The following FAM107B variants were observed in gnomAD, a reference collection of about 807,000 sequenced individuals.
FAM107B encodes protein FAM107B.
In FAM107B, 21 loss-of-function variants were observed where a neutral mutation model predicts 31.5. The observed-to-expected ratio is 0.67, with a 90% CI of 0.47 to 0.96. The LOEUF (loss-of-function observed/expected upper bound fraction) is 0.96, where lower values mean the gene tolerates loss of function less well. Among genes scored for constraint, FAM107B ranks in the 40% least tolerant of loss-of-function variants. The probability of loss-of-function intolerance (pLI) is 0.00; values close to 1 mark genes in which losing one functional copy is unlikely to be tolerated. For synonymous variants in FAM107B, 157 were observed against 141.5 expected, an observed-to-expected ratio of 1.11 and a Z score of -0.78; for missense variants, 452 against 377.1, an observed-to-expected ratio of 1.20 and a Z score of -1.64.
At chr10:14,671,881 AAAAC>A (rs1436232135) in intron 1 of FAM107B, among the ~76,000 whole-genome samples, 1,993 of 108,828 alleles carry the variant, frequency 0.018, 62 homozygotes, top group African/African-American at 0.058. Flanking sequence ...TTAAAAAAAA[AAAAC>A]AAAAAAACAA....
Position 14,620,983 on chromosome 10 carries a change from C to T in FAM107B, c.469+46651G>A, listed in dbSNP as rs187351443. ...TATACATTTTTAGAATTTCAATTTC[C>T]AATTATTTATTGCTTGTATTTAAAA... On this transcript the variant is annotated intron_variant, in intron 2 of 4. Transcript: ENST00000181796. Among the ~76,000 whole-genome samples the T allele has an allele frequency of 2.0e-5, 3 of 152,082 alleles. No individual in the cohort carries two copies. In the East Asian group the frequency reaches 5.8e-4, roughly 29 times the overall value.
intron 1 of FAM107B, 79 bp from the exon 2 acceptor site, chr10:14,667,770 G>A (rs969447634): frequency 2.2e-4 from 326 of 1,452,490 alleles, no homozygotes; most frequent in Middle Eastern, 3.5e-4. Context: ...CTTTTTGCAA[G>A]CCTACTAATT....
intron 2 of FAM107B, among the ~76,000 whole-genome samples, chr10:14,567,929 C>G (rs1030763911): frequency 6.6e-6 from 1 of 152,142 alleles, no homozygotes; most frequent in Admixed American, 6.5e-5. Context: ...CTGAACATCC[C>G]CATCCCAAAA....
chr10:14,542,783 A>T (rs1426473360), intron 2 of FAM107B: 1 of 152,204 alleles, frequency 6.6e-6, no homozygotes, highest in Non-Finnish European at 1.5e-5. Context: ...AAGATGGCTC[A>T]AAAAAATCCT....
chr10:14,545,713 G>T (rs563221124), intron 2 of FAM107B, among the ~76,000 whole-genome samples: 1 of 152,328 alleles, frequency 6.6e-6, no homozygotes, highest in Non-Finnish European at 1.5e-5. Context: ...AAATTTGCAT[G>T]TAACAGAATC....
intron 1 of FAM107B, among the ~76,000 whole-genome samples, chr10:14,722,114 T>C (rs1295499653): frequency 6.6e-6 from 1 of 152,234 alleles, no homozygotes; most frequent in Non-Finnish European, 1.5e-5. Context: ...AGTCACAAAA[T>C]TGTGCAAACA....
intron 1 of FAM107B, among the ~76,000 whole-genome samples, chr10:14,729,294 T>A (rs534332597): frequency 6.6e-6 from 1 of 152,178 alleles, no homozygotes; most frequent in South Asian, 2.1e-4. Context: ...CTACCGCACC[T>A]GATCAAGTTA....
At chr10:14,703,120 G>A (rs1855439577) in intron 1 of FAM107B, among the ~76,000 whole-genome samples, 1 of 151,908 alleles carries the variant, frequency 6.6e-6, no homozygotes, top group South Asian at 2.1e-4. Context: ...CTGAGGTAAG[G>A]CCACAAAGGT....
chr10:14,729,586 T>C (rs1856116703), intron 1 of FAM107B, among the ~76,000 whole-genome samples: 1 of 152,170 alleles, frequency 6.6e-6, no homozygotes, highest in Non-Finnish European at 1.5e-5. Context: ...GAAGCTTCAC[T>C]GTAGACCCGT....
At chr10:14,603,656 T>A (rs1852478285) in intron 2 of FAM107B, among the ~76,000 whole-genome samples, 1 of 152,188 alleles carries the variant, frequency 6.6e-6, no homozygotes. Context: ...GGACTCCTTG[T>A]GTGTGTTACA....
At chr10:14,703,921 G>A (rs546340963) in intron 1 of FAM107B, among the ~76,000 whole-genome samples, 10 of 152,296 alleles carry the variant, frequency 6.6e-5, no homozygotes, top group South Asian at 6.2e-4. Flanking sequence ...AGAACCAGGC[G>A]TGATGATTTA....
At chr10:14,646,577 T>G (rs1447517093) in intron 2 of FAM107B, among the ~76,000 whole-genome samples, 1 of 152,184 alleles carries the variant, frequency 6.6e-6, no homozygotes, top group Non-Finnish European at 1.5e-5. Flanking sequence ...CATTGCTTGA[T>G]GGGCACTTAG....
rs118157319 is a variant in FAM107B, at chr10:14,692,954, G to A, written c.412-25263C>T. On this transcript the variant is annotated intron_variant, in intron 1 of 4. Coordinates refer to ENST00000181796, the MANE Select transcript of FAM107B (RefSeq NM_031453.4). Reference sequence around the variant, plus strand: ...AGAAACAACCTCAAGAGATCATTCCGTGCACAGGGCTATGACGATCCATGC... The same window carrying A: ...AGAAACAACCTCAAGAGATCATTCCATGCACAGGGCTATGACGATCCATGC... Among the ~76,000 whole-genome samples, 555 of 152,276 alleles carry A rather than the reference G, an allele frequency of 3.6e-3. 8 individuals carry two copies. The East Asian group carries it at 0.049, about 13-fold the overall frequency.
At chr10:14,626,636 C>T (rs61842732) in intron 2 of FAM107B, among the ~76,000 whole-genome samples, 52,116 of 151,554 alleles carry the variant, frequency 0.34, 10,697 homozygotes, top group Non-Finnish European at 0.45. Context: ...CCCAAGTAGC[C>T]GGGACTACAG....
At chr10:14,624,143 C>T (rs1853092107) in intron 2 of FAM107B, among the ~76,000 whole-genome samples, 1 of 152,104 alleles carries the variant, frequency 6.6e-6, no homozygotes, top group African/African-American at 2.4e-5. Flanking sequence ...TCACAAAACC[C>T]ACAGAGGATC....
chr10:14,572,515 G>A, intron 2 of FAM107B: 1 of 519,938 alleles, frequency 1.9e-6, no homozygotes, highest in Non-Finnish European at 2.5e-6. Flanking sequence ...TGGCATCACA[G>A]CCCACTTTAT....
At chr10:14,521,410 A>C in intron 4 of FAM107B, 104 bp from the exon 5 acceptor site, 1 of 904,236 alleles carries the variant, frequency 1.1e-6, no homozygotes. Context: ...TCCCCACAGA[A>C]TAAATTCTCT....
Position 14,625,670 on chromosome 10 carries a change from T to C in FAM107B, c.469+41964A>G, listed in dbSNP as rs143239530. Among the ~76,000 whole-genome samples the C allele has an allele frequency of 7.2e-5, 11 of 152,102 alleles. No individual in the cohort carries two copies. In the East Asian group the frequency reaches 1.7e-3, roughly 24 times the overall value. ...GTTAGAACTGAGCTGCGTTTTACAA[T>C]CCAAATCAAATTTCTTGGTCATTTT... is the stretch of plus-strand genomic sequence containing the variant. On this transcript the variant is annotated intron_variant, in intron 2 of 4. Transcript: ENST00000181796.
chr10:14,553,767 A>C (rs1314030263), intron 2 of FAM107B, among the ~76,000 whole-genome samples: 3 of 152,190 alleles, frequency 2.0e-5, no homozygotes, highest in Admixed American at 6.5e-5. Context: ...AACAAAAATA[A>C]TTACTTAACT....
Sources: gnomAD v4.1 joint callset for allele counts (sites outside exome capture counted in the v4.1 genomes callset) on GRCh38, gnomAD v4.1.1 for gene constraint, MANE v1.5 for transcripts, NCBI Gene and HGNC (gene_info 2026-07-23, HGNC 2026-07-21) for gene names.